DTNBP1: variants seen among roughly 807,000 people sequenced by gnomAD.
The protein encoded by DTNBP1 is dysbindin.
Under a neutral mutation model 42.8 loss-of-function variants are expected in DTNBP1, and 35 were observed. The observed-to-expected ratio is 0.82, with a 90% CI of 0.63 to 1.09. The LOEUF (loss-of-function observed/expected upper bound fraction) is 1.09, where lower values mean the gene tolerates loss of function less well. Among genes scored for constraint, DTNBP1 ranks in the 50% least tolerant of loss-of-function variants. DTNBP1 has a pLI of 0.00. For missense variants in DTNBP1, 457 were observed against 424.2 expected, an observed-to-expected ratio of 1.08 and a Z score of -0.68; for synonymous variants, 171 against 162.2, an observed-to-expected ratio of 1.05 and a Z score of -0.41.
At chr6:15,524,808 A>G in intron 8 of DTNBP1, 139 bp from the exon 9 acceptor site, 3 of 1,316,666 alleles carry the variant, frequency 2.3e-6, no homozygotes, top group Non-Finnish European at 3.1e-6. Context: ...GTATTAGTAG[A>G]TGACATATGC....
At chr6:15,572,738 T>C (rs1349169912) in intron 7 of DTNBP1, among the ~76,000 whole-genome samples, 1 of 152,182 alleles carries the variant, frequency 6.6e-6, no homozygotes, top group Non-Finnish European at 1.5e-5. Context: ...TGTTCTTCTT[T>C]TTCTCTTTCT....
chr6:15,541,702 A>G (rs1773571123), intron 7 of DTNBP1, among the ~76,000 whole-genome samples: 1 of 152,182 alleles, frequency 6.6e-6, no homozygotes, highest in Admixed American at 6.5e-5. Flanking sequence ...TCAAATGCTT[A>G]CTTACTCAAA....
intron 6 of DTNBP1, among the ~76,000 whole-genome samples, chr6:15,604,991 C>T (rs1239171741): frequency 6.6e-6 from 1 of 152,086 alleles, no homozygotes; most frequent in Non-Finnish European, 1.5e-5. Context: ...AAGCAGGTTT[C>T]GAGTCCAACA....
intron 7 of DTNBP1, among the ~76,000 whole-genome samples, chr6:15,557,535 G>T (rs1268198707): frequency 1.3e-5 from 2 of 152,056 alleles, no homozygotes; most frequent in East Asian, 3.8e-4. Flanking sequence ...CTACCTTATG[G>T]TCAAACTGAT....
intron 1 of DTNBP1, 67 bp from the exon 2 acceptor site, chr6:15,652,207 G>A (rs1761040476): frequency 4.6e-6 from 6 of 1,299,842 alleles, no homozygotes; most frequent in Non-Finnish European, 6.5e-6. Context: ...TTTGAGACAG[G>A]GTCTCACTCT....
chr6:15,565,242 T>C (rs1775015855), intron 7 of DTNBP1, among the ~76,000 whole-genome samples: 1 of 152,168 alleles, frequency 6.6e-6, no homozygotes, highest in Non-Finnish European at 1.5e-5. Context: ...GAATGTAAAA[T>C]TGTAAAAAGT....
chr6:15,548,067 CG>C (rs1417955594), intron 7 of DTNBP1, among the ~76,000 whole-genome samples: 5 of 152,078 alleles, frequency 3.3e-5, no homozygotes, highest in Non-Finnish European at 7.4e-5. Context: ...TTCTATTAAT[CG>C]AAACTCTCAG....
chr6:15,524,063 T>C, intron 9 of DTNBP1: 1 of 1,303,708 alleles, frequency 7.7e-7, no homozygotes, highest in South Asian at 1.2e-5. Context: ...GGAACTGAAG[T>C]GCAACTAAGT....
chr6:15,572,285 C>T (rs1484723959), intron 7 of DTNBP1, among the ~76,000 whole-genome samples: 1 of 152,152 alleles, frequency 6.6e-6, no homozygotes, highest in South Asian at 2.1e-4. Context: ...AAAGGTGAGT[C>T]AAACCCACCC....
chr6:15,542,667 G>T (rs1319716099), intron 7 of DTNBP1, among the ~76,000 whole-genome samples: 1 of 151,882 alleles, frequency 6.6e-6, no homozygotes. Context: ...ATCGCACCTG[G>T]CCAAATTTTT....
chr6:15,622,322 C>A (rs1759085465), intron 5 of DTNBP1, among the ~76,000 whole-genome samples: 2 of 152,086 alleles, frequency 1.3e-5, no homozygotes, highest in Non-Finnish European at 2.9e-5. Flanking sequence ...TCCATTTTAA[C>A]ACTTAGCAGA....
At chr6:15,540,184 G>A (rs890164424) in intron 7 of DTNBP1, among the ~76,000 whole-genome samples, 1 of 151,452 alleles carries the variant, frequency 6.6e-6, no homozygotes, top group East Asian at 1.9e-4. Flanking sequence ...GGAATTTAGA[G>A]TGTACTCGTA....
chr6:15,527,071 T>A (rs1225433327), intron 8 of DTNBP1, among the ~76,000 whole-genome samples: 2 of 151,550 alleles, frequency 1.3e-5, no homozygotes, highest in Non-Finnish European at 2.9e-5. Flanking sequence ...AACAAATAAT[T>A]AAGAAGAAAG....
chr6:15,588,653 G>A (rs759730096), intron 7 of DTNBP1, among the ~76,000 whole-genome samples: 14 of 152,180 alleles, frequency 9.2e-5, no homozygotes, highest in Admixed American at 3.3e-4. Context: ...GTTGTTCCTT[G>A]CCTCTCTGTC....
At chr6:15,548,438 G>GACACACACACACACACACAC (rs3045754) in intron 7 of DTNBP1, 4 of 136,590 alleles carry the variant, frequency 2.9e-5, no homozygotes, top group African/African-American at 1.1e-4. Flanking sequence ...AACACACACA[G>GACACACACACACACACACAC]ACACACACAC....
chr6:15,537,660 G>A (rs1773321410), intron 7 of DTNBP1, among the ~76,000 whole-genome samples: 1 of 152,140 alleles, frequency 6.6e-6, no homozygotes, highest in Admixed American at 6.5e-5. Flanking sequence ...CGCCCATGCT[G>A]TTCCTGTGAT....
intron 6 of DTNBP1, among the ~76,000 whole-genome samples, chr6:15,602,322 T>C (rs937797952): frequency 1.3e-5 from 2 of 152,190 alleles, no homozygotes; most frequent in Non-Finnish European, 1.5e-5. Context: ...CACTGTTTTC[T>C]TGTTGCTGAC....
At chr6:15,526,056 GAAC>G (rs745897553) in intron 8 of DTNBP1, among the ~76,000 whole-genome samples, 46 of 152,220 alleles carry the variant, frequency 3.0e-4, no homozygotes, top group Non-Finnish European at 5.3e-4. Context: ...GGCAACTCAT[GAAC>G]AACAATAATA....
intron 7 of DTNBP1, among the ~76,000 whole-genome samples, chr6:15,553,356 C>T (rs1774321020): frequency 6.6e-6 from 1 of 151,578 alleles, no homozygotes; most frequent in Non-Finnish European, 1.5e-5. Flanking sequence ...CATTTGAAAA[C>T]ATAAGCTTCA....
Sources: allele counts gnomAD v4.1 joint callset (sites outside exome capture counted in the v4.1 genomes callset), GRCh38; gene constraint gnomAD v4.1.1; transcripts MANE v1.5; gene names NCBI Gene and HGNC (gene_info 2026-07-23, HGNC 2026-07-21).